Variants in DNAH9 observed in about 807,000 individuals in gnomAD.
DNAH9 encodes dynein axonemal heavy chain 9.
DNAH9 carries 345 observed loss-of-function variants against 471.6 expected under a neutral mutation model. The ratio of observed to expected loss-of-function variants is 0.73; its 90% CI spans 0.67 to 0.80. The LOEUF is 0.80. Among genes scored for constraint, DNAH9 ranks in the 30% least tolerant of loss-of-function variants. The pLI is 0.00. For missense variants in DNAH9, 5,407 were observed against 5,609.2 expected (o/e 0.96, Z 1.15); for synonymous variants, 2,093 against 2,123.6 (o/e 0.99, Z 0.40).
intron 49 of DNAH9, among the ~76,000 whole-genome samples, chr17:11,835,854 G>T (rs1970833962): frequency 6.6e-6 from 1 of 152,092 alleles, no homozygotes; most frequent in African/African-American, 2.4e-5. Context: ...CTCACATCTG[G>T]TCCACTGGAG....
rs1487519329 is a variant in DNAH9 at position 11,784,486 on chromosome 17, G to A, written c.8008G>A (p.Gly2670Arg). The A allele has an allele frequency of 1.2e-6, 2 of 1,614,088 alleles. No individual in the cohort carries two copies. The highest frequency in any genetic ancestry group is 3.3e-5 in the Admixed American group (2 of 60,012). Residue 2670 changes from glycine to arginine, a missense_variant, in exon 41 of 69, where the codon GGA (glycine) becomes AGA (arginine). Transcript: ENST00000262442. ...AATTGCTACCACCTTCCTACCCACA[G>A]GAATCAAATTCCACTACATCTTCAA... ...QKIATTFLPT[G>R]IKFHYIFNLR...
intron 55 of DNAH9, among the ~76,000 whole-genome samples, chr17:11,881,926 A>T (rs1972739402): frequency 6.6e-6 from 1 of 152,108 alleles, no homozygotes; most frequent in Admixed American, 6.5e-5. Context: ...AAAGAAAAAA[A>T]AAACAGCTTG....
chr17:11,921,011 G>A (rs1471890708), intron 61 of DNAH9, among the ~76,000 whole-genome samples: 1 of 151,842 alleles, frequency 6.6e-6, no homozygotes, highest in African/African-American at 2.4e-5. Context: ...CATGGTGGCG[G>A]GCACCTGTAA....
chr17:11,712,334 G>A (rs569855589), intron 26 of DNAH9, among the ~76,000 whole-genome samples: 2 of 151,228 alleles, frequency 1.3e-5, no homozygotes, highest in South Asian at 2.1e-4. Flanking sequence ...CCATTCAACC[G>A]ATGGACACTT....
At chr17:11,775,642 TC>T (rs1487349481) in intron 38 of DNAH9, among the ~76,000 whole-genome samples, 7 of 139,920 alleles carry the variant, frequency 5.0e-5, no homozygotes, top group Non-Finnish European at 1.5e-5. Context: ...TCTTGCTCTG[TC>T]CCCCAGGCTG....
At chr17:11,671,494 C>T (rs866365091) in intron 17 of DNAH9, among the ~76,000 whole-genome samples, 19 of 152,032 alleles carry the variant, frequency 1.2e-4, no homozygotes, top group African/African-American at 3.4e-4. Context: ...TCAGGATTGG[C>T]GAGTTTGAAC....
At chr17:11,629,341 A>C (rs999786297) in intron 6 of DNAH9, 76 bp from the exon 7 acceptor site, 1 of 1,196,756 alleles carries the variant, frequency 8.4e-7, no homozygotes, top group Admixed American at 1.8e-5. Flanking sequence ...GAGTGAGAAC[A>C]TGCGGTGTTT....
chr17:11,940,981 G>A (rs1974885804), intron 66 of DNAH9, among the ~76,000 whole-genome samples: 1 of 152,164 alleles, frequency 6.6e-6, no homozygotes, highest in Admixed American at 6.5e-5. Context: ...CCTAAGAAGA[G>A]ATAAAAAATC....
intron 14 of DNAH9, 109 bp downstream of exon 14, chr17:11,653,111 G>A (rs530031043): frequency 1.9e-5 from 22 of 1,175,932 alleles, no homozygotes; most frequent in East Asian, 1.2e-4. Context: ...AGTGTCTTCC[G>A]AAGACAAGGA....
intron 27 of DNAH9, chr17:11,723,277 C>T (rs987464217): frequency 1.3e-5 from 2 of 152,262 alleles, no homozygotes; most frequent in African/African-American, 4.8e-5. Context: ...CCCTGAGATC[C>T]TGGTGGAAAA....
At chr17:11,774,572 T>C (rs113498273) in intron 38 of DNAH9, among the ~76,000 whole-genome samples, 4,165 of 152,208 alleles carry the variant, frequency 0.027, 90 homozygotes, top group Non-Finnish European at 0.044. Context: ...ATGAGACTTA[T>C]TCACTATCAT....
At position 11,904,585 on chromosome 17, in the gene DNAH9, C is replaced by T. The variant is rs561656359; in HGVS notation, c.11601-1076C>T. ...GGCGGATGTTGCAGTGAGCCGAGAT[C>T]GCACCACTGCACTCCAGCCTGGGCG... is the stretch of plus-strand genomic sequence containing the variant. On this transcript the variant is annotated intron_variant, in intron 60 of 68. Coordinates refer to ENST00000262442, the MANE Select transcript of DNAH9 (RefSeq NM_001372.4). 2.2e-4 allele frequency among the ~76,000 whole-genome samples: 32 copies of T among 145,478 alleles called. No homozygotes were observed. In the South Asian group the frequency reaches 6.5e-3, roughly 30 times the overall value.
chr17:11,950,697 T>C (rs1229472457), intron 67 of DNAH9, among the ~76,000 whole-genome samples: 2 of 152,290 alleles, frequency 1.3e-5, no homozygotes, highest in Non-Finnish European at 2.9e-5. Context: ...CATTATCTCT[T>C]CTTATAACAA....
At chr17:11,640,956 G>A (rs576740630) in intron 10 of DNAH9, among the ~76,000 whole-genome samples, 137 of 152,264 alleles carry the variant, frequency 9.0e-4, no homozygotes, top group African/African-American at 3.0e-3. Context: ...GTTAGAAGCT[G>A]AGATAGAAGC....
intron 61 of DNAH9, among the ~76,000 whole-genome samples, chr17:11,923,072 G>T (rs58112198): frequency 2.0e-5 from 2 of 100,190 alleles, no homozygotes; most frequent in Admixed American, 1.1e-4. Context: ...GTTTGTTTTG[G>T]TTTTTGTTTT....
intron 25 of DNAH9, among the ~76,000 whole-genome samples, 181 bp from the exon 26 acceptor site, chr17:11,704,844 A>G (rs1157692284): frequency 3.3e-5 from 5 of 152,096 alleles, no homozygotes; most frequent in African/African-American, 1.2e-4. Flanking sequence ...TGGCCTCCCA[A>G]AGTGCTGGGA....
rs61744697 is a variant in DNAH9, at chr17:11,769,290, G to T, written c.7513G>T (p.Val2505Leu). 0.14 allele frequency: 221,518 copies of T among 1,613,640 alleles called. 16,839 individuals carry two copies. The highest frequency in any genetic ancestry group is 0.15 in the Non-Finnish European group (182,002 of 1,179,742). Residue 2505 changes from valine (V) to leucine (L), a missense_variant, in exon 38 of 69, where the codon GTG becomes TTG. Coordinates refer to ENST00000262442, the MANE Select transcript of DNAH9 (RefSeq NM_001372.4). The stretch of plus-strand genomic sequence containing the variant: ...CCCCGAGGCATACCTGGTGAAAAAC[G>T]TGCCATTCAACTACTACACCACGTC... ...LDPEAYLVKNVPFNYYTTSAM... is the reference protein window; with the variant it reads ...LDPEAYLVKNLPFNYYTTSAM...
chr17:11,610,500 T>C lies in DNAH9; in HGVS notation c.719T>C (p.Leu240Pro), dbSNP rs1344440555. The C allele has an allele frequency of 3.7e-6, 6 of 1,613,484 alleles. No homozygotes were observed. The highest frequency in any genetic ancestry group is 4.2e-6 in the Non-Finnish European group (5 of 1,179,986). Residue 240 changes from leucine to proline, a missense_variant, in exon 3 of 69, where the codon CTC becomes CCC. Transcript: ENST00000262442. The part of the protein sequence containing the change: ...VVLKRESSQP[L>P]LQGENPTPKV... ...CTCAAGAGAGAGTCTTCCCAGCCAC[T>C]CTTACAAGGGGAGAATCCCACCCCT...
chr17:11,941,641 A>G (rs547290625), intron 66 of DNAH9, among the ~76,000 whole-genome samples: 1 of 152,180 alleles, frequency 6.6e-6, no homozygotes, highest in Non-Finnish European at 1.5e-5. Context: ...CCAGAACTCA[A>G]GGATAGAAAC....
Sources: gnomAD v4.1 joint callset for allele counts (sites outside exome capture counted in the v4.1 genomes callset) on GRCh38, gnomAD v4.1.1 for gene constraint, MANE v1.5 for transcripts, NCBI Gene and HGNC (gene_info 2026-07-23, HGNC 2026-07-21) for gene names.